Variants in ALG13 observed in about 807,000 individuals in gnomAD.
ALG13 encodes the protein ALG13 UDP-N-acetylglucosaminyltransferase subunit.
ALG13 carries 11 observed loss-of-function variants against 87.8 expected under a neutral mutation model. That is an observed-to-expected ratio of 0.13 (90% CI 0.08 to 0.21). The LOEUF (loss-of-function observed/expected upper bound fraction) is 0.21. Ranked by LOEUF, ALG13 falls within the 10% of genes least tolerant of loss-of-function variation. ALG13 has a pLI of 1.00. For missense variants in ALG13, 756 were observed against 866.1 expected (o/e 0.87, Z 1.60); for synonymous variants, 320 against 306.3 (o/e 1.04, Z -0.47).
intron 24 of ALG13, among the ~76,000 whole-genome samples, chrX:111,747,831 G>C (rs1480172672): frequency 1.8e-5 from 2 of 111,975 alleles, no homozygotes; most frequent in Non-Finnish European, 3.8e-5. Flanking sequence ...GATTACAATT[G>C]CTCTATTGAG....
chrX:111,730,597 A>G lies in ALG13; in HGVS notation c.2457+17A>G, dbSNP rs371676857. The G allele has an allele frequency of 8.7e-7, 1 of 1,146,412 alleles. No individual in the cohort carries two copies. The highest frequency in any genetic ancestry group is 3.1e-5 in the East Asian group (1 of 31,944). The allele number at this position is 1,146,412 out of a possible 1,213,427, so 94.5% of individuals were successfully genotyped here. ...GCAAACTTGGTAGGTATTTAATAATAGCAAAGAGTTATAGCTCCTACTATG... is the reference window on the plus strand; with the variant it reads ...GCAAACTTGGTAGGTATTTAATAATGGCAAAGAGTTATAGCTCCTACTATG... On this transcript the variant is annotated intron_variant, in intron 21 of 26. Transcript: ENST00000394780.
At chrX:111,690,358 A>C (rs1935916278) in intron 3 of ALG13, 3 of 752,869 alleles carry the variant, frequency 4.0e-6, no homozygotes, top group Non-Finnish European at 4.7e-6. Flanking sequence ...GGATAGATTA[A>C]GAGGTAGACA....
At chrX:111,730,675 C>T in intron 21 of ALG13, 95 bp downstream of exon 21, 1 of 627,664 alleles carries the variant, frequency 1.6e-6, no homozygotes, top group Non-Finnish European at 2.4e-6. Context: ...ATCAGAACAA[C>T]CCTGTGAGGC....
intron 3 of ALG13, chrX:111,690,292 A>G (rs369240278): frequency 1.1e-5 from 8 of 751,983 alleles, no homozygotes. Flanking sequence ...AGAGGTACTG[A>G]AATTTTCAGG....
Position 111,684,996 on chromosome X carries a change from A to G in ALG13, c.276A>G (p.Lys92=). 1.7e-6 allele frequency: 2 copies of G among 1,209,086 alleles called. No individual in the cohort carries two copies. Among genetic ancestry groups the G allele is most frequent in the Non-Finnish European group, 2.2e-6 (2 of 894,062 alleles). Residue 92 remains lysine (K), a synonymous_variant, in exon 3 of 27, where the codon AAA becomes AAG. Coordinates refer to ENST00000394780, the MANE Select transcript of ALG13 (RefSeq NM_001099922.3). The stretch of plus-strand genomic sequence containing the variant: ...GAAGCTGTTTGGAGACTCTGGAAAA[A>G]GGAAAGCCACTCGTAGTGGTTATAA... ...GAGSCLETLE[K]GKPLVVVINE...
intron 3 of ALG13, among the ~76,000 whole-genome samples, chrX:111,707,568 C>CT (rs1212848391): frequency 8.9e-6 from 1 of 111,789 alleles, no homozygotes. Flanking sequence ...GTTCCTTCTC[C>CT]TTTTTTGTGT....
At chrX:111,699,128 A>ATT (rs1937388912) in intron 3 of ALG13, among the ~76,000 whole-genome samples, 1 of 111,278 alleles carries the variant, frequency 9.0e-6, no homozygotes, top group South Asian at 3.7e-4. Flanking sequence ...GCATTTTTTC[A>ATT]TGTACTTGTT....
In ALG13 at chrX:111,736,704, A is replaced by G; in HGVS notation, c.2530-10A>G. 8.3e-7 allele frequency: 1 copy of G among 1,205,851 alleles called. No homozygotes were observed. The highest frequency in any genetic ancestry group is 1.8e-5 in the South Asian group (1 of 55,656). On this transcript the variant is annotated splice_polypyrimidine_tract_variant and intron_variant, in intron 22 of 26. Coordinates refer to ENST00000394780, the MANE Select transcript of ALG13 (RefSeq NM_001099922.3). ...ACTTAAGAGTTTTGAACTTTCTTCC[A>G]CACTTACAGATGATGGGAAATATTG...
chrX:111,730,806 AT>A, intron 21 of ALG13, among the ~76,000 whole-genome samples: 1 of 112,065 alleles, frequency 8.9e-6, no homozygotes, highest in Admixed American at 9.5e-5. Context: ...TTTTATTATG[AT>A]TTTTTTATTA....
Position 111,684,999 on chromosome X carries a change from A to G in ALG13, c.279A>G (p.Gly93=). 2 of 1,209,961 alleles carry G rather than the reference A, an allele frequency of 1.7e-6. No individual in the cohort carries two copies. The highest frequency in any genetic ancestry group is 2.2e-6 in the Non-Finnish European group (2 of 894,587). The change falls in exon 3 of 27, where the codon GGA becomes GGG. Residue 93 remains glycine (G), a synonymous_variant. Coordinates refer to ENST00000394780, the MANE Select transcript of ALG13 (RefSeq NM_001099922.3). ...AGSCLETLEK[G]KPLVVVINEK... ...GCTGTTTGGAGACTCTGGAAAAAGG[A>G]AAGCCACTCGTAGTGGTTATAAACG...
chrX:111,710,760 G>T (rs774177294), intron 5 of ALG13, among the ~76,000 whole-genome samples: 1 of 111,917 alleles, frequency 8.9e-6, no homozygotes, highest in Admixed American at 9.4e-5. Flanking sequence ...GCAGTGGCAC[G>T]ATCTCGGCTC....
chrX:111,730,675 C>A, intron 21 of ALG13, 95 bp downstream of exon 21: 1 of 627,660 alleles, frequency 1.6e-6, no homozygotes, highest in Non-Finnish European at 2.4e-6. Flanking sequence ...ATCAGAACAA[C>A]CCTGTGAGGC....
At position 111,744,616 on chromosome X, in the gene ALG13, C is replaced by T. The variant is rs756375852; in HGVS notation, c.2696-52C>T. The T allele has an allele frequency of 3.7e-5, 41 of 1,118,141 alleles. 1 individual carries two copies. Among genetic ancestry groups the T allele is most frequent in the South Asian group, 7.8e-5 (4 of 51,427 alleles). The allele number at this position is 1,118,141 out of a possible 1,213,427, so 92.1% of individuals were successfully genotyped here. On this transcript the variant is annotated intron_variant, in intron 23 of 26. Coordinates refer to ENST00000394780, the MANE Select transcript of ALG13 (RefSeq NM_001099922.3). Reference sequence around the variant, plus strand: ...AAGAAAAGTAGATGAGCCTACTGTTCATAAGGTGTTATAGTTGTGTATTGC... The same window carrying T: ...AAGAAAAGTAGATGAGCCTACTGTTTATAAGGTGTTATAGTTGTGTATTGC...
At chrX:111,699,084 T>TGATTTGC (rs1374699601) in intron 3 of ALG13, among the ~76,000 whole-genome samples, 1 of 112,354 alleles carries the variant, frequency 8.9e-6, no homozygotes, top group Non-Finnish European at 1.9e-5. Context: ...TCTCATGTTT[T>TGATTTGC]GATTTGCATT....
chrX:111,745,832 T>G (rs1944191672), intron 24 of ALG13, among the ~76,000 whole-genome samples: 1 of 111,237 alleles, frequency 9.0e-6, no homozygotes, highest in Admixed American at 9.6e-5. Context: ...CCACCTAATT[T>G]TCCCAATATC....
intron 1 of ALG13, 101 bp from the exon 2 acceptor site, chrX:111,682,031 G>C: frequency 1.1e-6 from 1 of 912,540 alleles, no homozygotes; most frequent in Non-Finnish European, 1.4e-6. Flanking sequence ...TTTGGCGGCC[G>C]TGCTCCGATG....
chrX:111,720,411 A>G (rs1184851500), intron 11 of ALG13, among the ~76,000 whole-genome samples: 2 of 112,092 alleles, frequency 1.8e-5, no homozygotes, highest in Non-Finnish European at 3.8e-5. Flanking sequence ...AAATTTCAAG[A>G]GCAATATGTT....
intron 24 of ALG13, among the ~76,000 whole-genome samples, chrX:111,749,428 CTA>C (rs1472289805): frequency 5.5e-5 from 6 of 108,906 alleles, no homozygotes; most frequent in Non-Finnish European, 9.5e-5. Flanking sequence ...TACATCAGTA[CTA>C]TACTGTCTTT....
In ALG13 at chrX:111,729,472, A is replaced by G. The variant is rs560116450; in HGVS notation, c.2369-923A>G. On this transcript the variant is annotated intron_variant, in intron 19 of 26. Transcript: ENST00000394780. The stretch of plus-strand genomic sequence containing the variant: ...CAAGAATGATCTGTGAAAACTTTGT[A>G]CGTGTGTGCATGCGTGTGCTTAAGG... 2.1e-4 allele frequency among the ~76,000 whole-genome samples: 23 copies of G among 111,534 alleles called. No homozygotes were observed. In the South Asian group the frequency reaches 8.7e-3, roughly 42 times the overall value.
Sources: gnomAD v4.1 joint callset for allele counts (sites outside exome capture counted in the v4.1 genomes callset) on GRCh38, gnomAD v4.1.1 for gene constraint, MANE v1.5 for transcripts, NCBI Gene and HGNC (gene_info 2026-07-23, HGNC 2026-07-21) for gene names.